The following CSRNP3 variants were observed in gnomAD, a reference collection of about 807,000 sequenced individuals.
The protein encoded by CSRNP3 is cysteine and serine rich nuclear protein 3.
CSRNP3 carries 12 observed loss-of-function variants against 48.0 expected under a neutral mutation model. The observed-to-expected ratio is 0.25, with a 90% confidence interval of 0.16 to 0.41. The LOEUF (loss-of-function observed/expected upper bound fraction) is 0.41. Ranked by LOEUF, CSRNP3 falls within the 10% of genes least tolerant of loss-of-function variation. The probability of loss-of-function intolerance (pLI) is 1.00; values close to 1 mark genes in which losing one functional copy is unlikely to be tolerated. For synonymous variants in CSRNP3, 263 were observed against 269.7 expected, an observed-to-expected ratio of 0.98 and a Z score of 0.24; for missense variants, 580 against 724.4, an observed-to-expected ratio of 0.80 and a Z score of 2.29.
At chr2:165,531,951 A>T (rs1473083058) in intron 3 of CSRNP3, among the ~76,000 whole-genome samples, 1 of 152,206 alleles carries the variant, frequency 6.6e-6, no homozygotes, top group East Asian at 1.9e-4. Flanking sequence ...ATAAACTAGA[A>T]AATCTAGAAG....
At chr2:165,538,946 T>C (rs1052441600) in intron 3 of CSRNP3, among the ~76,000 whole-genome samples, 3 of 151,936 alleles carry the variant, frequency 2.0e-5, no homozygotes, top group Admixed American at 2.0e-4. Context: ...GAGAGTTTTC[T>C]ATTTTCCACA....
chr2:165,514,100 A>G (rs1415371056), intron 2 of CSRNP3, among the ~76,000 whole-genome samples: 1 of 152,250 alleles, frequency 6.6e-6, no homozygotes, highest in Non-Finnish European at 1.5e-5. Context: ...AGTTGTTTGA[A>G]GACAAATGAT....
intron 3 of CSRNP3, among the ~76,000 whole-genome samples, chr2:165,583,627 A>G (rs1685581484): frequency 6.6e-6 from 1 of 152,206 alleles, no homozygotes. Flanking sequence ...TAAAGATTGT[A>G]AAGTAACTGG....
intron 3 of CSRNP3, among the ~76,000 whole-genome samples, chr2:165,588,006 C>T (rs114847882): frequency 1.3e-3 from 204 of 152,232 alleles, no homozygotes; most frequent in Non-Finnish European, 2.1e-3. Context: ...GTTCTAGGCA[C>T]TTGAAACATT....
intron 3 of CSRNP3, among the ~76,000 whole-genome samples, chr2:165,528,637 G>A (rs1429625440): frequency 6.6e-6 from 1 of 152,190 alleles, no homozygotes; most frequent in Admixed American, 6.5e-5. Context: ...AATTGACCAT[G>A]GATTTTTAAG....
intron 1 of CSRNP3, among the ~76,000 whole-genome samples, chr2:165,492,531 C>T (rs193074571): frequency 1.3e-5 from 2 of 152,110 alleles, no homozygotes; most frequent in African/African-American, 4.8e-5. Flanking sequence ...GGTGGAGTGA[C>T]ATTAGTTCAC....
rs561033017 is a variant in CSRNP3, at chr2:165,603,656, G to A, written c.148+8443G>A. Among the ~76,000 whole-genome samples, 3 of 152,064 alleles carry A rather than the reference G, an allele frequency of 2.0e-5. No homozygotes were observed. The East Asian group carries it at 5.8e-4, about 29-fold the overall frequency. ...GTATTTTATTTTATTTAAAGGCCAGGACTCTTCACCACTTTCCTGCCATGT... is the reference window on the plus strand; with the variant it reads ...GTATTTTATTTTATTTAAAGGCCAGAACTCTTCACCACTTTCCTGCCATGT... On this transcript the variant is annotated intron_variant, in intron 4 of 6. Coordinates refer to ENST00000651982, the MANE Select transcript of CSRNP3 (RefSeq NM_001172173.2).
At position 165,562,575 on chromosome 2, in the gene CSRNP3, C is replaced by A. The variant is rs115967184; in HGVS notation, c.-23-32468C>A. ...GTAAGTGTTAAACAATAATTCTGTC[C>A]TCTGAGCAATTTGAATCTTACCAGC... On this transcript the variant is annotated intron_variant, in intron 3 of 6. Transcript: ENST00000651982. 3.8e-3 allele frequency among the ~76,000 whole-genome samples: 583 copies of A among 152,232 alleles called. 7 individuals are homozygous for A. The highest frequency in any genetic ancestry group is 0.014 in the African/African-American group (562 of 41,548).
intron 4 of CSRNP3, among the ~76,000 whole-genome samples, chr2:165,616,414 C>T (rs1320764093): frequency 6.6e-6 from 1 of 151,996 alleles, no homozygotes. Context: ...TTTTTACTTC[C>T]AGATGTTAGA....
chr2:165,618,085 A>G (rs182841563), intron 4 of CSRNP3, among the ~76,000 whole-genome samples: 1 of 152,352 alleles, frequency 6.6e-6, no homozygotes, highest in Admixed American at 6.5e-5. Flanking sequence ...TTTCCTCTCT[A>G]GAACAGTGTA....
rs573132737 is a variant in CSRNP3 at position 165,681,799 on chromosome 2, ATG to A, written c.*2048_*2049del. On this transcript the variant is annotated 3_prime_UTR_variant, in exon 7 of 7. Transcript: ENST00000651982. ...CACATACACATATATATACACATAT[ATG>A]TATGTGTGTGTGTGTGTGTGTGTGT... 11 of 129,430 alleles carry A rather than the reference ATG, an allele frequency of 8.5e-5. No homozygotes were observed. The highest frequency in any genetic ancestry group is 3.3e-4 in the African/African-American group (11 of 33,032). 8.0% of individuals were successfully genotyped at this position (129,430 alleles called of 1,614,324 possible).
At chr2:165,645,306 C>T (rs1418655091) in intron 4 of CSRNP3, among the ~76,000 whole-genome samples, 1 of 151,888 alleles carries the variant, frequency 6.6e-6, no homozygotes, top group Non-Finnish European at 1.5e-5. Flanking sequence ...TGCACTCCAG[C>T]CTGGGCGACA....
chr2:165,593,789 G>A (rs1303076484), intron 3 of CSRNP3, among the ~76,000 whole-genome samples: 2 of 152,170 alleles, frequency 1.3e-5, no homozygotes, highest in East Asian at 3.8e-4. Context: ...AATAAATTAA[G>A]TGGAATATAA....
intron 1 of CSRNP3, among the ~76,000 whole-genome samples, chr2:165,475,631 C>G (rs986105841): frequency 6.6e-6 from 1 of 152,130 alleles, no homozygotes; most frequent in African/African-American, 2.4e-5. Flanking sequence ...GATTGTTTTG[C>G]CGATTGAATA....
At chr2:165,622,393 CTA>C (rs1186542184) in intron 4 of CSRNP3, among the ~76,000 whole-genome samples, 8 of 152,000 alleles carry the variant, frequency 5.3e-5, no homozygotes, top group African/African-American at 1.9e-4. Context: ...TTTTTGATAT[CTA>C]TATATTAGTT....
intron 5 of CSRNP3, among the ~76,000 whole-genome samples, chr2:165,674,681 A>AATATATATATATATATATATAT (rs59117817): frequency 5.3e-4 from 55 of 103,188 alleles, no homozygotes; most frequent in African/African-American, 1.3e-3. Flanking sequence ...AATACTTCTG[A>AATATATATATATATATATATAT]ATATATATAT....
At chr2:165,549,158 C>A (rs576730964) in intron 3 of CSRNP3, among the ~76,000 whole-genome samples, 2 of 151,742 alleles carry the variant, frequency 1.3e-5, no homozygotes, top group Non-Finnish European at 2.9e-5. Flanking sequence ...TAATTTTGAG[C>A]TGGTGATTCA....
At chr2:165,496,350 C>A (rs1684283560) in intron 2 of CSRNP3, among the ~76,000 whole-genome samples, 1 of 152,034 alleles carries the variant, frequency 6.6e-6, no homozygotes, top group Admixed American at 6.6e-5. Flanking sequence ...AGCCTTTTCA[C>A]ACCTCCCTCC....
At chr2:165,646,099 T>C (rs903641921) in intron 4 of CSRNP3, among the ~76,000 whole-genome samples, 2 of 152,170 alleles carry the variant, frequency 1.3e-5, no homozygotes, top group African/African-American at 4.8e-5. Flanking sequence ...TAAAACAGCA[T>C]AAATTAAATT....
Sources: gnomAD v4.1 joint callset for allele counts (sites outside exome capture counted in the v4.1 genomes callset) on GRCh38, gnomAD v4.1.1 for gene constraint, MANE v1.5 for transcripts, NCBI Gene and HGNC (gene_info 2026-07-23, HGNC 2026-07-21) for gene names.